Variants in ZFTRAF1 observed in about 807,000 individuals in gnomAD.
ZFTRAF1 encodes zinc finger TRAF-type-containing protein 1.
the ZFTRAF1 span, among the ~76,000 whole-genome samples, chr8:144,459,190 G>A: frequency 6.6e-6 from 1 of 152,342 alleles, no homozygotes; most frequent in South Asian, 2.1e-4. Flanking sequence ...CATGGGCAGA[G>A]GTGCCAACAG....
chr8:144,461,920 G>A, the ZFTRAF1 span, among the ~76,000 whole-genome samples: 1 of 152,132 alleles, frequency 6.6e-6, no homozygotes, highest in Non-Finnish European at 1.5e-5. Context: ...GGGAGCAGTT[G>A]CGGGCTAAGG....
the ZFTRAF1 span, chr8:144,451,708 T>G: frequency 6.3e-6 from 1 of 159,348 alleles, no homozygotes; most frequent in Non-Finnish European, 1.4e-5. Context: ...TGGGCCAGGC[T>G]CTGGCCTGGC....
chr8:144,452,942 T>C, the ZFTRAF1 span, among the ~76,000 whole-genome samples: 11 of 152,360 alleles, frequency 7.2e-5, no homozygotes, highest in African/African-American at 2.6e-4. Context: ...GGTCCTGCGT[T>C]GGACACGCTG....
At chr8:144,453,874 T>C in the ZFTRAF1 span, 3 of 185,178 alleles carry the variant, frequency 1.6e-5, no homozygotes, top group African/African-American at 7.0e-5. Flanking sequence ...GGGGAGCGGA[T>C]GCAGCTCCCA....
chr8:144,453,818 T>G, the ZFTRAF1 span: 1 of 236,280 alleles, frequency 4.2e-6, no homozygotes, highest in South Asian at 6.4e-5. Context: ...GTCCAGAGTT[T>G]GGGAGCCCTC....
chr8:144,452,005 CCT>C, the ZFTRAF1 span: 2 of 361,552 alleles, frequency 5.5e-6, no homozygotes, highest in South Asian at 2.4e-5. Context: ...TCCCAGGCCC[CCT>C]GAGACCTGCC....
chr8:144,459,466 T>C, the ZFTRAF1 span, among the ~76,000 whole-genome samples: 1 of 152,218 alleles, frequency 6.6e-6, no homozygotes, highest in Non-Finnish European at 1.5e-5. Flanking sequence ...GACTCGGCGG[T>C]GGCGGAAACC....
the ZFTRAF1 span, chr8:144,462,448 C>T: frequency 2.4e-5 from 6 of 250,938 alleles, no homozygotes; most frequent in Non-Finnish European, 3.6e-5. Flanking sequence ...GGTCGCCGGC[C>T]GCCTCCTGCA....
chr8:144,453,138 C>T, the ZFTRAF1 span: 16 of 1,278,544 alleles, frequency 1.3e-5, no homozygotes, highest in Admixed American at 4.2e-5. Context: ...CCAGACCACC[C>T]TGCACAGGGC....
At chr8:144,449,601 G>A in the ZFTRAF1 span, 50 of 152,390 alleles carry the variant, frequency 3.3e-4, no homozygotes, top group African/African-American at 1.2e-3. Flanking sequence ...TTATCCAAGA[G>A]CCTGCAAGGA....
the ZFTRAF1 span, chr8:144,453,468 G>A: frequency 9.1e-6 from 14 of 1,543,628 alleles, no homozygotes; most frequent in South Asian, 1.4e-4. Flanking sequence ...ACACTGCGAA[G>A]AAGGAAAGGG....
chr8:144,457,895 G>A, the ZFTRAF1 span: 1 of 152,274 alleles, frequency 6.6e-6, no homozygotes, highest in Non-Finnish European at 1.5e-5. Context: ...GCTCACCCAG[G>A]GGTCAGGGAC....
chr8:144,460,337 A>G, the ZFTRAF1 span, among the ~76,000 whole-genome samples: 1 of 152,258 alleles, frequency 6.6e-6, no homozygotes, highest in Non-Finnish European at 1.5e-5. Flanking sequence ...TGCACAGTGC[A>G]GGCCGGTTTG....
the ZFTRAF1 span, among the ~76,000 whole-genome samples, chr8:144,460,799 G>A: frequency 9.9e-5 from 15 of 152,200 alleles, no homozygotes; most frequent in African/African-American, 3.6e-4. Context: ...AGGGAGAATT[G>A]CTTGAACTCG....
chr8:144,451,826 G>A, the ZFTRAF1 span: 1 of 199,304 alleles, frequency 5.0e-6, no homozygotes. Context: ...GTCCACTCCC[G>A]GTTCTACAGT....
At chr8:144,453,121 G>C in the ZFTRAF1 span, 1 of 1,082,000 alleles carries the variant, frequency 9.2e-7, no homozygotes, top group Non-Finnish European at 1.3e-6. Context: ...CCAGACAGCA[G>C]AGACAGCCAG....
At chr8:144,451,630 G>C in the ZFTRAF1 span, 1 of 154,158 alleles carries the variant, frequency 6.5e-6, no homozygotes, top group Non-Finnish European at 1.4e-5. Context: ...GCCTGGTGTG[G>C]GCTGAGAGTA....
At chr8:144,453,249 C>T in the ZFTRAF1 span, 1 of 1,551,030 alleles carries the variant, frequency 6.4e-7, no homozygotes, top group Non-Finnish European at 8.7e-7. Context: ...TTTCTGGTGC[C>T]TCTCCAGGAG....
At chr8:144,462,037 C>T in the ZFTRAF1 span, among the ~76,000 whole-genome samples, 1 of 152,106 alleles carries the variant, frequency 6.6e-6, no homozygotes, top group Non-Finnish European at 1.5e-5. Flanking sequence ...TCGGGAAGTA[C>T]CGTGGATCAG....
Sources: gnomAD v4.1 joint callset for allele counts (sites outside exome capture counted in the v4.1 genomes callset) on GRCh38, gnomAD v4.1.1 for gene constraint, MANE v1.5 for transcripts, NCBI Gene and HGNC (gene_info 2026-07-23, HGNC 2026-07-21) for gene names.